The following PRSS23 variants were observed in gnomAD, a reference collection of about 807,000 sequenced individuals.
The protein encoded by PRSS23 is serine protease 23, also known as protease, serine 23.
PRSS23 carries 25 observed loss-of-function variants against 34.7 expected under a neutral mutation model. The ratio of observed to expected loss-of-function variants is 0.72; its 90% CI spans 0.53 to 1.01. The LOEUF is 1.01. PRSS23 is among the 50% of genes least tolerant of loss of function. The pLI is 0.00. For missense variants in PRSS23, 445 were observed against 475.6 expected, an observed-to-expected ratio of 0.94 and a Z score of 0.60; for synonymous variants, 176 against 186.6, an observed-to-expected ratio of 0.94 and a Z score of 0.46.
intron 1 of PRSS23, among the ~76,000 whole-genome samples, chr11:86,822,629 A>G (rs78144792): frequency 0.11 from 17,043 of 151,208 alleles, 1,303 homozygotes; most frequent in East Asian, 0.41. Context: ...CTAAAAAAAA[A>G]AAAAAAAAAA....
At chr11:86,844,453 C>A (rs1430172547) in intron 2 of PRSS23, among the ~76,000 whole-genome samples, 1 of 152,082 alleles carries the variant, frequency 6.6e-6, no homozygotes, top group Non-Finnish European at 1.5e-5. Context: ...ACTTACTACA[C>A]CAATGTCCAC....
At chr11:86,877,669 G>A (rs1243619544) in intron 2 of PRSS23, among the ~76,000 whole-genome samples, 3 of 152,088 alleles carry the variant, frequency 2.0e-5, no homozygotes, top group Non-Finnish European at 4.4e-5. Context: ...AACTGCCTCA[G>A]TTCTATTCCA....
intron 2 of PRSS23, among the ~76,000 whole-genome samples, chr11:86,873,602 C>T (rs1201594087): frequency 6.6e-6 from 1 of 152,032 alleles, no homozygotes. Flanking sequence ...AAAGATTGTA[C>T]CCCTGGCCAT....
chr11:86,882,532 A>G (rs1032740031), intron 2 of PRSS23, among the ~76,000 whole-genome samples: 13 of 151,888 alleles, frequency 8.6e-5, no homozygotes, highest in Admixed American at 5.9e-4. Context: ...TACGAAGGGC[A>G]TGATCTCGTT....
At chr11:86,900,771 A>ATCTCTCTC (rs199994092) in intron 2 of PRSS23, among the ~76,000 whole-genome samples, 13 of 126,814 alleles carry the variant, frequency 1.0e-4, no homozygotes, top group African/African-American at 4.2e-4. Flanking sequence ...CAGCATTATT[A>ATCTCTCTC]TCTCTCTCTC....
At chr11:86,857,915 T>C (rs972040577) in intron 2 of PRSS23, 2 of 484,136 alleles carry the variant, frequency 4.1e-6, no homozygotes, top group Admixed American at 2.2e-5. Context: ...ACCAGGTACA[T>C]GGACAGGGAG....
At chr11:86,807,608 C>T in intron 1 of PRSS23, 23 bp from the exon 2 acceptor site, 1 of 1,559,326 alleles carries the variant, frequency 6.4e-7, no homozygotes, top group Non-Finnish European at 8.7e-7. Flanking sequence ...GCCCTCCTGA[C>T]CTGCTTGTCT....
At position 86,809,544 on chromosome 11, in the gene PRSS23, TG is replaced by T. The variant is rs1590873109; in HGVS notation, c.*750del. On this transcript the variant is annotated 3_prime_UTR_variant, in exon 2 of 2. Coordinates refer to ENST00000280258, the MANE Select transcript of PRSS23 (RefSeq NM_007173.6). ...AAAGTCATACCAGAGTGGCCAAGAG[TG>T]TTTATCCCAACCCTTCCATTTAACA... 6.0e-6 allele frequency: 1 copy of T among 166,944 alleles called. No homozygotes were observed. The highest frequency in any genetic ancestry group is 1.9e-4 in the East Asian group (1 of 5,196). 10.3% of individuals were successfully genotyped at this position (166,944 alleles called of 1,614,324 possible). A position where few individuals can be genotyped will look rare whatever the true frequency, so the allele number is the denominator to read the frequency against.
At chr11:86,923,536 A>G (rs1401405408) in intron 2 of PRSS23, among the ~76,000 whole-genome samples, 3 of 152,214 alleles carry the variant, frequency 2.0e-5, no homozygotes, top group Admixed American at 6.5e-5. Flanking sequence ...TTGAATATGT[A>G]TATCTCAGAC....
intron 2 of PRSS23, among the ~76,000 whole-genome samples, chr11:86,846,049 A>T (rs747158343): frequency 6.6e-6 from 1 of 152,160 alleles, no homozygotes; most frequent in Non-Finnish European, 1.5e-5. Flanking sequence ...TGCCTTAAAG[A>T]GTTGAAAAGG....
intron 2 of PRSS23, among the ~76,000 whole-genome samples, chr11:86,868,630 G>A (rs963997353): frequency 6.6e-6 from 1 of 152,120 alleles, no homozygotes; most frequent in Admixed American, 6.5e-5. Context: ...TTAGGTCATT[G>A]CATGCCATGG....
At chr11:86,862,138 G>A (rs867747054) in intron 2 of PRSS23, among the ~76,000 whole-genome samples, 4 of 151,898 alleles carry the variant, frequency 2.6e-5, no homozygotes, top group Non-Finnish European at 5.9e-5. Flanking sequence ...TATCTGTTGG[G>A]GAGAGGATGT....
At chr11:86,941,154 C>T (rs1949204776) in intron 2 of PRSS23, 1 of 152,198 alleles carries the variant, frequency 6.6e-6, no homozygotes, top group Non-Finnish European at 1.5e-5. Flanking sequence ...CCTCCACCTT[C>T]CCTACATATT....
chr11:86,872,433 A>G (rs919051831), intron 2 of PRSS23, among the ~76,000 whole-genome samples: 3 of 152,158 alleles, frequency 2.0e-5, no homozygotes, highest in Non-Finnish European at 4.4e-5. Flanking sequence ...TGATTCCAAC[A>G]TTCTCTTATT....
chr11:86,921,677 A>C (rs1949048100), intron 2 of PRSS23: 1 of 152,180 alleles, frequency 6.6e-6, no homozygotes, highest in Non-Finnish European at 1.5e-5. Context: ...AGAACATTTC[A>C]TTCTCCATGG....
At chr11:86,832,682 C>T (rs1487426421) in intron 2 of PRSS23, 5 of 362,104 alleles carry the variant, frequency 1.4e-5, no homozygotes, top group Non-Finnish European at 2.7e-5. Context: ...ACTCAGGTAC[C>T]CCCCAACGAC....
intron 2 of PRSS23, chr11:86,857,940 G>T (rs140302904): frequency 9.3e-6 from 4 of 432,064 alleles, no homozygotes; most frequent in East Asian, 5.8e-5. Context: ...CAGTGAGGAC[G>T]GGCTGTCTCC....
In PRSS23 at chr11:86,807,584, A is replaced by G; in HGVS notation, c.-13-47A>G. On this transcript the variant is annotated intron_variant, in intron 1 of 1. Coordinates refer to ENST00000280258, the MANE Select transcript of PRSS23 (RefSeq NM_007173.6). ...TGAGCTTTGCTGTCTGCAGTAAATG[A>G]ACGTTCAGCCCTTGCCCTCCTGACC... is the stretch of plus-strand genomic sequence containing the variant. 8 of 1,478,558 alleles carry G rather than the reference A, an allele frequency of 5.4e-6. No individual in the cohort carries two copies. In the South Asian group the frequency reaches 1.1e-4, roughly 20 times the overall value. The allele number at this position is 1,478,558 out of a possible 1,614,324, so 91.6% of individuals were successfully genotyped here. A position where few individuals can be genotyped will look rare whatever the true frequency, so the allele number is the denominator to read the frequency against.
chr11:86,897,639 T>TTTTG lies in PRSS23; in HGVS notation c.207-53566_207-53563dup, dbSNP rs924738160. On this transcript the variant is annotated intron_variant, in intron 2 of 2. Transcript: ENST00000533902. ...AAGCATGCACCCCTGGCTAGTTTTT[T>TTTTG]TTTGTTTGTTTGTTATAAATACTGG... Among the ~76,000 whole-genome samples the TTTTG allele has an allele frequency of 8.6e-5, 13 of 152,008 alleles. No homozygotes were observed. The East Asian group carries it at 2.3e-3, about 27-fold the overall frequency.
Sources: gnomAD v4.1 joint callset for allele counts (sites outside exome capture counted in the v4.1 genomes callset) on GRCh38, gnomAD v4.1.1 for gene constraint, MANE v1.5 for transcripts, NCBI Gene and HGNC (gene_info 2026-07-23, HGNC 2026-07-21) for gene names.